CFAP92: variants seen among roughly 807,000 people sequenced by gnomAD.
The protein encoded by CFAP92 is uncharacterized protein CFAP92.
CFAP92 carries 86 observed loss-of-function variants against 106.3 expected under a neutral mutation model. The ratio of observed to expected loss-of-function variants is 0.81; its 90% CI spans 0.68 to 0.97. The LOEUF (loss-of-function observed/expected upper bound fraction) is 0.97. Ranked by LOEUF, CFAP92 falls within the 50% of genes least tolerant of loss-of-function variation. The probability of loss-of-function intolerance (pLI) is 0.00; values close to 1 mark genes in which losing one functional copy is unlikely to be tolerated. For missense variants in CFAP92, 1,204 were observed against 1,283.8 expected (o/e 0.94, Z 0.95); for synonymous variants, 477 against 506.4 (o/e 0.94, Z 0.78).
rs371847621 is a variant in CFAP92, at chr3:128,917,095, C to T, written c.2752-824G>A. 1.8e-4 allele frequency among the ~76,000 whole-genome samples: 28 copies of T among 152,276 alleles called. 1 individual carries two copies. The highest frequency in any genetic ancestry group is 4.6e-4 in the Admixed American group (7 of 15,300). The stretch of plus-strand genomic sequence containing the variant: ...TCACACACATGAAAGAACAGACTGT[C>T]CAGGCAACAAGGGATGCAAGGTAAA... On this transcript the variant is annotated intron_variant, in intron 12 of 15. Transcript: ENST00000645291.
At chr3:129,011,694 G>A in the CFAP92 span, among the ~76,000 whole-genome samples, 5 of 152,270 alleles carry the variant, frequency 3.3e-5, no homozygotes, top group South Asian at 1.0e-3. Flanking sequence ...CTCTGTCGAG[G>A]TGGCTGATCA....
intron 4 of CFAP92, among the ~76,000 whole-genome samples, chr3:128,983,483 C>A (rs1943653156): frequency 6.6e-6 from 1 of 152,076 alleles, no homozygotes; most frequent in African/African-American, 2.4e-5. Flanking sequence ...GTGCCTTGTC[C>A]CCAGCCAGAG....
At chr3:128,972,041 T>C (rs1177163059) in intron 7 of CFAP92, among the ~76,000 whole-genome samples, 3 of 152,142 alleles carry the variant, frequency 2.0e-5, no homozygotes, top group Non-Finnish European at 4.4e-5. Flanking sequence ...CCCAAACACA[T>C]AGGGGAACCT....
chr3:129,003,255 C>T (rs1415877009), upstream of CFAP92: 4 of 985,274 alleles, frequency 4.1e-6, no homozygotes, highest in African/African-American at 7.0e-5. Flanking sequence ...CCATGGGATG[C>T]GCCTGAACGG....
chr3:129,020,802 G>A, the CFAP92 span, among the ~76,000 whole-genome samples: 2 of 152,170 alleles, frequency 1.3e-5, no homozygotes, highest in Non-Finnish European at 2.9e-5. Context: ...GAGCCAGGAA[G>A]GTTACAGGCT....
chr3:128,943,022 C>T (rs570884884), intron 10 of CFAP92, among the ~76,000 whole-genome samples: 9 of 148,264 alleles, frequency 6.1e-5, no homozygotes, highest in South Asian at 4.3e-4. Flanking sequence ...TGGGTTCAAG[C>T]GATTCTCCTG....
At chr3:128,998,876 T>C (rs1944579735), upstream of CFAP92, among the ~76,000 whole-genome samples, 1 of 152,198 alleles carries the variant, frequency 6.6e-6, no homozygotes, top group African/African-American at 2.4e-5. Context: ...AATTCAGATG[T>C]ACACAGTCAT....
chr3:128,973,608 A>T (rs563466837), intron 7 of CFAP92, among the ~76,000 whole-genome samples: 4 of 151,784 alleles, frequency 2.6e-5, no homozygotes, highest in South Asian at 4.2e-4. Context: ...GTGAGCCGAG[A>T]TCGCGCCATT....
chr3:128,953,782 G>T (rs1343304125), intron 9 of CFAP92, among the ~76,000 whole-genome samples: 2 of 122,446 alleles, frequency 1.6e-5, no homozygotes, highest in Non-Finnish European at 3.1e-5. Flanking sequence ...CGCCTGACTG[G>T]TTTTGGTGGA....
intron 15 of CFAP92, chr3:128,914,861 A>T (rs1303158192): frequency 2.1e-6 from 1 of 470,436 alleles, no homozygotes; most frequent in African/African-American, 1.9e-5. Context: ...CTTTATAGCC[A>T]AGAAACCAGA....
chr3:128,989,047 G>T, intron 2 of CFAP92, 129 bp from the exon 3 acceptor site: 1 of 714,448 alleles, frequency 1.4e-6, no homozygotes, highest in Non-Finnish European at 2.3e-6. Context: ...ACTTGGGGAA[G>T]GAGGTACAGG....
At chr3:129,019,921 A>G in the CFAP92 span, among the ~76,000 whole-genome samples, 1 of 151,828 alleles carries the variant, frequency 6.6e-6, no homozygotes, top group African/African-American at 2.4e-5. Flanking sequence ...GGTACCCACC[A>G]CCACGCCCGG....
chr3:128,986,722 T>C (rs985939992), intron 4 of CFAP92, among the ~76,000 whole-genome samples: 3 of 152,160 alleles, frequency 2.0e-5, no homozygotes, highest in African/African-American at 7.2e-5. Context: ...TTTTCCTTTT[T>C]TGCAGATGAG....
In CFAP92 at chr3:128,910,271, G is replaced by T. The variant is rs201184317; in HGVS notation, c.*28C>A. Reference sequence around the variant, plus strand: ...GGGGGAGGCTGTGCAGGTTCACCATGCGGTGGCCGTGGGAGGGTCTGTGCT... The same window carrying T: ...GGGGGAGGCTGTGCAGGTTCACCATTCGGTGGCCGTGGGAGGGTCTGTGCT... On this transcript the variant is annotated 3_prime_UTR_variant, in exon 16 of 16. Coordinates refer to ENST00000645291, the MANE Select transcript of CFAP92 (RefSeq NM_001394090.1). The T allele has an allele frequency of 2.0e-6, 3 of 1,535,216 alleles. No individual in the cohort carries two copies. Among genetic ancestry groups the T allele is most frequent in the Non-Finnish European group, 2.6e-6 (3 of 1,142,736 alleles).
At chr3:129,023,929 C>T in the CFAP92 span, among the ~76,000 whole-genome samples, 2 of 152,154 alleles carry the variant, frequency 1.3e-5, no homozygotes, top group African/African-American at 2.4e-5. Flanking sequence ...CTTCTCTGTC[C>T]TTTCTGGAAC....
chr3:128,994,270 A>C, upstream of CFAP92: 6 of 404,594 alleles, frequency 1.5e-5, no homozygotes, highest in Non-Finnish European at 2.0e-5. Flanking sequence ...TCATTCCTTC[A>C]CTCATGCATT....
the CFAP92 span, among the ~76,000 whole-genome samples, chr3:129,024,681 G>A: frequency 6.6e-6 from 1 of 151,012 alleles, no homozygotes; most frequent in Admixed American, 6.6e-5. Context: ...AGGGAGAGAG[G>A]GAGACAAACG....
chr3:128,983,739 G>T (rs1943670316), intron 4 of CFAP92, among the ~76,000 whole-genome samples: 2 of 152,254 alleles, frequency 1.3e-5, no homozygotes, highest in African/African-American at 4.8e-5. Flanking sequence ...GCTGGAGGCA[G>T]GCCTTACCAC....
intron 15 of CFAP92, chr3:128,912,645 C>T (rs774900931): frequency 1.7e-5 from 26 of 1,532,432 alleles, no homozygotes; most frequent in Admixed American, 6.7e-5. Context: ...CCCGCCCCTA[C>T]CCATGGCCCG....
Sources: gnomAD v4.1 joint callset for allele counts (sites outside exome capture counted in the v4.1 genomes callset) on GRCh38, gnomAD v4.1.1 for gene constraint, MANE v1.5 for transcripts, NCBI Gene and HGNC (gene_info 2026-07-23, HGNC 2026-07-21) for gene names.